The following KIF6 variants were observed in gnomAD, a reference collection of about 807,000 sequenced individuals.
The protein encoded by KIF6 is kinesin family member 6, also known as kinesin-like protein KIF6.
KIF6 carries 106 observed loss-of-function variants against 112.7 expected under a neutral mutation model. That is an observed-to-expected ratio of 0.94 (90% CI 0.80 to 1.11). The LOEUF (loss-of-function observed/expected upper bound fraction) is 1.11, where lower values mean the gene tolerates loss of function less well. KIF6 is among the 50% of genes least tolerant of loss of function. The pLI is 0.00. For synonymous variants in KIF6, 339 were observed against 339.9 expected (o/e 1.00, Z 0.03); for missense variants, 929 against 964.0 (o/e 0.96, Z 0.48).
chr6:39,408,866 A>G (rs1769281224), intron 15 of KIF6, among the ~76,000 whole-genome samples: 1 of 152,068 alleles, frequency 6.6e-6, no homozygotes, highest in African/African-American at 2.4e-5. Flanking sequence ...CCACCACCCC[A>G]ATGAATCTAT....
chr6:39,540,166 G>C lies in KIF6; in HGVS notation c.1482C>G (p.His494Gln), dbSNP rs757925611. ...KEKKKAQEAL[H>Q]LAGMDRREFR... is the part of the protein sequence containing the mutation. ...ATTCACGTCTATCCATGCCAGCCAA[G>C]TGGAGAGCCTCCTGAGCTTTCTTCT... The change falls in exon 13 of 23, where the codon CAC becomes CAG. Residue 494 changes from histidine (H) to glutamine (Q), a missense_variant. This residue lies in a region of KIF6 where 688 missense variants were observed against 662.7 expected (regional missense o/e 1.04). Transcript: ENST00000287152. 1 of 1,614,156 alleles carries C rather than the reference G, an allele frequency of 6.2e-7. No individual in the cohort carries two copies. The highest frequency in any genetic ancestry group is 8.5e-7 in the Non-Finnish European group (1 of 1,180,016).
chr6:39,348,556 C>G (rs1447645816), intron 19 of KIF6, among the ~76,000 whole-genome samples: 1 of 152,186 alleles, frequency 6.6e-6, no homozygotes, highest in Non-Finnish European at 1.5e-5. Context: ...TCTGCCCTCT[C>G]CCTTTGCCCA....
At chr6:39,550,720 T>G (rs1022731765) in intron 10 of KIF6, among the ~76,000 whole-genome samples, 1 of 152,200 alleles carries the variant, frequency 6.6e-6, no homozygotes, top group Non-Finnish European at 1.5e-5. Flanking sequence ...TTTATAAAAC[T>G]AACTTGTATT....
chr6:39,545,568 A>G lies in KIF6; in HGVS notation c.1287+15T>C. ...GGCTGAAAATGGCTTCTATTGGGGA[A>G]ACATTTAAGTTTACCTTTAAATGAT... On this transcript the variant is annotated intron_variant, in intron 11 of 22. Transcript: ENST00000287152. The G allele has an allele frequency of 6.3e-7, 1 of 1,590,076 alleles. No individual in the cohort carries two copies. The highest frequency in any genetic ancestry group is 2.2e-5 in the East Asian group (1 of 44,618).
At chr6:39,429,455 C>A (rs2150378370) in intron 14 of KIF6, among the ~76,000 whole-genome samples, 1 of 152,342 alleles carries the variant, frequency 6.6e-6, no homozygotes, top group Non-Finnish European at 1.5e-5. Context: ...TTATTCCCTA[C>A]CTTCCTGTCT....
intron 10 of KIF6, among the ~76,000 whole-genome samples, chr6:39,552,625 A>G (rs2150580956): frequency 6.6e-6 from 1 of 152,354 alleles, no homozygotes; most frequent in South Asian, 2.1e-4. Context: ...CTGACATACT[A>G]TATTTGTATT....
intron 13 of KIF6, among the ~76,000 whole-genome samples, chr6:39,474,242 T>A (rs1264252999): frequency 1.3e-5 from 2 of 152,206 alleles, no homozygotes; most frequent in South Asian, 4.1e-4. Flanking sequence ...TTCATGAAGA[T>A]ACCTATTTGA....
At chr6:39,556,591 G>A (rs1779722517) in intron 10 of KIF6, among the ~76,000 whole-genome samples, 1 of 152,158 alleles carries the variant, frequency 6.6e-6, no homozygotes. Flanking sequence ...GACCAGAACA[G>A]GGGCCAGAGA....
chr6:39,595,024 CT>C (rs1782171520), intron 7 of KIF6, among the ~76,000 whole-genome samples: 1 of 152,056 alleles, frequency 6.6e-6, no homozygotes, highest in Non-Finnish European at 1.5e-5. Flanking sequence ...GTTCTCTCCC[CT>C]GGCATTAAAT....
At chr6:39,522,162 G>A (rs1777435640) in intron 13 of KIF6, among the ~76,000 whole-genome samples, 3 of 152,126 alleles carry the variant, frequency 2.0e-5, no homozygotes, top group African/African-American at 7.2e-5. Flanking sequence ...CCCTATCAAG[G>A]GGAGGATGTT....
At chr6:39,725,144 C>G (rs551908287) in intron 1 of KIF6, 101 bp downstream of exon 1, 2 of 990,130 alleles carry the variant, frequency 2.0e-6, no homozygotes, top group East Asian at 2.9e-5. Context: ...CGGCGCCCAC[C>G]AGCAAGCCCC....
chr6:39,395,055 C>T (rs75408972), intron 15 of KIF6, among the ~76,000 whole-genome samples: 5,848 of 152,268 alleles, frequency 0.038, 154 homozygotes, highest in Non-Finnish European at 0.055. Context: ...ATCATTATGA[C>T]GGTACATGAT....
intron 22 of KIF6, among the ~76,000 whole-genome samples, chr6:39,337,100 C>G (rs1762973260): frequency 8.6e-6 from 1 of 115,636 alleles, no homozygotes; most frequent in Non-Finnish European, 1.7e-5. Context: ...TCCTTTCTTT[C>G]TTCTTTCTTC....
At chr6:39,627,220 C>T (rs895730356) in intron 5 of KIF6, among the ~76,000 whole-genome samples, 2 of 152,134 alleles carry the variant, frequency 1.3e-5, no homozygotes, top group East Asian at 1.9e-4. Flanking sequence ...CTCCGCTGCC[C>T]CAAGTCCTAC....
intron 3 of KIF6, among the ~76,000 whole-genome samples, chr6:39,714,390 C>T (rs951048140): frequency 6.6e-6 from 1 of 150,610 alleles, no homozygotes; most frequent in African/African-American, 2.4e-5. Flanking sequence ...CCACCACTAC[C>T]CATGCAACCC....
chr6:39,461,005 C>A (rs1438638294), intron 13 of KIF6, among the ~76,000 whole-genome samples: 2 of 152,196 alleles, frequency 1.3e-5, no homozygotes, highest in South Asian at 4.1e-4. Flanking sequence ...TTATTAACTT[C>A]ATTCTTGCAT....
intron 13 of KIF6, among the ~76,000 whole-genome samples, chr6:39,477,342 G>A (rs1011624174): frequency 1.1e-4 from 17 of 152,188 alleles, no homozygotes; most frequent in Non-Finnish European, 2.5e-4. Context: ...GGATTTTGAT[G>A]TAGTGAGCCT....
chr6:39,595,962 TAAAA>T, intron 7 of KIF6, 88 bp downstream of exon 7: 1 of 955,972 alleles, frequency 1.0e-6, no homozygotes, highest in Non-Finnish European at 1.6e-6. Context: ...TTCATCATAA[TAAAA>T]AAAATTCTAA....
Position 39,540,162 on chromosome 6 carries a change from C to A in KIF6, c.1486G>T (p.Ala496Ser). The A allele has an allele frequency of 3.7e-6, 6 of 1,614,036 alleles. No homozygotes were observed. Among genetic ancestry groups the A allele is most frequent in the South Asian group, 3.3e-5 (3 of 91,048 alleles). Residue 496 changes from alanine (A) to serine (S), a missense_variant, in exon 13 of 23, where the codon GCT becomes TCT. Physicochemically the swap from Ala to Ser is moderately conservative, Grantham distance 99. Coordinates refer to ENST00000287152, the MANE Select transcript of KIF6 (RefSeq NM_145027.6). ...KKKAQEALHL[A>S]GMDRREFRQS... ...CTGAATTCACGTCTATCCATGCCAG[C>A]CAAGTGGAGAGCCTCCTGAGCTTTC... is the stretch of plus-strand genomic sequence containing the variant.
Sources: gnomAD v4.1 joint callset for allele counts (sites outside exome capture counted in the v4.1 genomes callset) on GRCh38, gnomAD v4.1.1 for gene constraint, gnomAD v4.1.1 regional missense constraint, MANE v1.5 for transcripts, NCBI Gene and HGNC (gene_info 2026-07-23, HGNC 2026-07-21) for gene names.